The following COL24A1 variants were observed in gnomAD, a reference collection of about 807,000 sequenced individuals.
The protein encoded by COL24A1 is collagen type XXIV alpha 1 chain.
A neutral mutation model predicts 253.9 loss-of-function variants in COL24A1; 224 were observed. The ratio of observed to expected loss-of-function variants is 0.88; its 90% confidence interval spans 0.79 to 0.99. The LOEUF (loss-of-function observed/expected upper bound fraction) is 0.99, where lower values mean the gene tolerates loss of function less well. COL24A1 is among the 50% of genes least tolerant of loss of function. COL24A1 has a pLI of 0.00. For synonymous variants in COL24A1, 685 were observed against 673.7 expected, an observed-to-expected ratio of 1.02 and a Z score of -0.26; for missense variants, 2,131 against 2,068.5, an observed-to-expected ratio of 1.03 and a Z score of -0.59.
intron 5 of COL24A1, among the ~76,000 whole-genome samples, chr1:86,104,401 C>G (rs1704745926): frequency 6.6e-6 from 1 of 152,176 alleles, no homozygotes; most frequent in Non-Finnish European, 1.5e-5. Flanking sequence ...CAGCCCAGTT[C>G]AGAACCTTGC....
intron 24 of COL24A1, among the ~76,000 whole-genome samples, chr1:85,939,408 T>C (rs1688529561): frequency 6.6e-6 from 1 of 152,178 alleles, no homozygotes; most frequent in African/African-American, 2.4e-5. Context: ...TGTTTTATCC[T>C]GCCTTCCTAT....
intron 47 of COL24A1, among the ~76,000 whole-genome samples, chr1:85,813,616 T>TCTC (rs1373114510): frequency 2.3e-5 from 3 of 132,100 alleles, no homozygotes; most frequent in Non-Finnish European, 4.7e-5. Context: ...AGTGGCGGGA[T>TCTC]CTCGGCTCAC....
chr1:85,898,851 A>T (rs1684016004), intron 28 of COL24A1, among the ~76,000 whole-genome samples: 2 of 152,218 alleles, frequency 1.3e-5, no homozygotes, highest in African/African-American at 4.8e-5. Context: ...ACTATTTCAG[A>T]TAGGGTGGCC....
intron 55 of COL24A1, among the ~76,000 whole-genome samples, chr1:85,757,579 TC>T (rs920624930): frequency 6.7e-6 from 1 of 149,198 alleles, no homozygotes; most frequent in Non-Finnish European, 1.5e-5. Flanking sequence ...GCATTTTTTT[TC>T]CCAACAGGTA....
chr1:85,977,771 C>G (rs1692833347), intron 20 of COL24A1, among the ~76,000 whole-genome samples: 1 of 152,136 alleles, frequency 6.6e-6, no homozygotes, highest in Non-Finnish European at 1.5e-5. Context: ...GTTCCTGAGG[C>G]AGAAGAGAAA....
At chr1:86,112,400 T>C (rs1303344923) in intron 5 of COL24A1, among the ~76,000 whole-genome samples, 167 bp downstream of exon 5, 1 of 152,202 alleles carries the variant, frequency 6.6e-6, no homozygotes, top group Non-Finnish European at 1.5e-5. Context: ...CAGAGGAACC[T>C]AGCTCTCTGC....
chr1:85,889,140 C>T (rs771658971), intron 32 of COL24A1, among the ~76,000 whole-genome samples: 1 of 152,050 alleles, frequency 6.6e-6, no homozygotes, highest in Non-Finnish European at 1.5e-5. Context: ...AACTGCATTT[C>T]TGTCATGTTT....
In COL24A1 at chr1:86,022,850, C is replaced by G; in HGVS notation, c.2131G>C (p.Gly711Arg). The G allele has an allele frequency of 6.9e-6, 11 of 1,586,456 alleles. No individual in the cohort carries two copies. Among genetic ancestry groups the G allele is most frequent in the Non-Finnish European group, 8.6e-6 (10 of 1,165,300 alleles). The change falls in exon 16 of 60, where the codon GGA becomes CGA. Residue 711 changes from glycine (G) to arginine (R), a missense_variant. Gly to Arg is a moderately radical substitution (Grantham distance 125, BLOSUM62 -2). Transcript: ENST00000370571. Reference sequence around the variant, plus strand: ...TAAATCACCTTATCACCTTTGATTCCAGGTAGTCCTTTATTCCCTGAAAGG... The same window carrying G: ...TAAATCACCTTATCACCTTTGATTCGAGGTAGTCCTTTATTCCCTGAAAGG... ...MGLSGNKGLP[G>R]IKGDKGEQGT...
chr1:85,948,094 T>C (rs1273540094), intron 24 of COL24A1, among the ~76,000 whole-genome samples: 4 of 152,230 alleles, frequency 2.6e-5, no homozygotes, highest in African/African-American at 9.6e-5. Context: ...AATCAACTTA[T>C]TCTTACTTTG....
intron 5 of COL24A1, among the ~76,000 whole-genome samples, chr1:86,110,193 T>C (rs1557661740): frequency 6.6e-6 from 1 of 151,554 alleles, no homozygotes. Context: ...ATATATTTAA[T>C]AAAAATATAT....
chr1:85,968,828 G>A (rs2100744564), intron 22 of COL24A1, among the ~76,000 whole-genome samples: 1 of 152,216 alleles, frequency 6.6e-6, no homozygotes, highest in East Asian at 1.9e-4. Context: ...CAAAGTCTTT[G>A]AAATCAAGCA....
intron 47 of COL24A1, among the ~76,000 whole-genome samples, chr1:85,815,501 AATAG>A: frequency 6.6e-6 from 1 of 152,250 alleles, no homozygotes; most frequent in East Asian, 1.9e-4. Context: ...TTCCAAAACA[AATAG>A]AAACCATGTT....
chr1:86,076,548 T>G, intron 7 of COL24A1, among the ~76,000 whole-genome samples: 1 of 152,128 alleles, frequency 6.6e-6, no homozygotes, highest in African/African-American at 2.4e-5. Context: ...CTACTTTAAA[T>G]TTCATATGGA....
At chr1:85,994,800 T>C (rs1694622747) in intron 19 of COL24A1, among the ~76,000 whole-genome samples, 1 of 152,202 alleles carries the variant, frequency 6.6e-6, no homozygotes, top group African/African-American at 2.4e-5. Context: ...AAATATTCTG[T>C]CTTCTGAGGA....
chr1:86,014,762 T>C (rs1696846195), intron 19 of COL24A1, among the ~76,000 whole-genome samples: 1 of 152,200 alleles, frequency 6.6e-6, no homozygotes, highest in Admixed American at 6.5e-5. Flanking sequence ...TAGTTCTCTC[T>C]TTAAGCTATC....
intron 37 of COL24A1, among the ~76,000 whole-genome samples, chr1:85,861,927 A>G (rs867183732): frequency 2.0e-5 from 3 of 152,112 alleles, no homozygotes; most frequent in South Asian, 2.1e-4. Context: ...TCTCACCTCT[A>G]TATCTTGGCC....
Position 85,825,573 on chromosome 1 carries a change from T to C in COL24A1, c.3682-1835A>G, listed in dbSNP as rs1397688709. 4.0e-5 allele frequency among the ~76,000 whole-genome samples: 6 copies of C among 151,584 alleles called. No individual in the cohort carries two copies. The East Asian group carries it at 7.8e-4, about 20-fold the overall frequency. ...AAAGTGTTCCTATTTCTCCACATCC[T>C]CTCCAGCACCTGTTGTTTCCTGACT... is the stretch of plus-strand genomic sequence containing the variant. On this transcript the variant is annotated intron_variant, in intron 43 of 59. Transcript: ENST00000370571.
chr1:85,951,623 A>T (rs1469518061), intron 24 of COL24A1, among the ~76,000 whole-genome samples: 2 of 152,248 alleles, frequency 1.3e-5, no homozygotes, highest in East Asian at 3.9e-4. Flanking sequence ...AATTTTTTAC[A>T]ATTTATATTC....
At chr1:85,967,089 T>C (rs2100729866) in intron 22 of COL24A1, among the ~76,000 whole-genome samples, 1 of 152,266 alleles carries the variant, frequency 6.6e-6, no homozygotes, top group Admixed American at 6.5e-5. Context: ...AGTGGAAGTT[T>C]TCCTTAGCTT....
Sources: gnomAD v4.1 joint callset for allele counts (sites outside exome capture counted in the v4.1 genomes callset) on GRCh38, gnomAD v4.1.1 for gene constraint, MANE v1.5 for transcripts, NCBI Gene and HGNC (gene_info 2026-07-23, HGNC 2026-07-21) for gene names.